MAST3: variants seen among roughly 807,000 people sequenced by gnomAD.
The protein encoded by MAST3 is microtubule-associated serine/threonine-protein kinase 3.
MAST3 carries 43 observed loss-of-function variants against 127.0 expected under a neutral mutation model. The ratio of observed to expected loss-of-function variants is 0.34; its 90% confidence interval spans 0.27 to 0.44. MAST3 has a LOEUF of 0.44. MAST3 is among the 20% of genes least tolerant of loss of function. The probability of loss-of-function intolerance (pLI) is 1.00; values close to 1 mark genes in which losing one functional copy is unlikely to be tolerated. For synonymous variants in MAST3, 785 were observed against 809.2 expected (o/e 0.97, Z 0.51); for missense variants, 1,390 against 1,919.1 (o/e 0.72, Z 5.15).
At chr19:18,148,677 C>T (rs981589572) in intron 27 of MAST3, among the ~76,000 whole-genome samples, 13 of 151,730 alleles carry the variant, frequency 8.6e-5, no homozygotes, top group African/African-American at 2.4e-4. Context: ...CCAAAGCAGG[C>T]GGATCACTTG....
chr19:18,128,738 A>T, intron 12 of MAST3, 128 bp from the exon 13 acceptor site: 2 of 741,634 alleles, frequency 2.7e-6, no homozygotes, highest in Non-Finnish European at 4.5e-6. Context: ...TCAGAAGCTG[A>T]GTTGGAGAAG....
At chr19:18,130,206 G>A (rs1028963724) in intron 13 of MAST3, among the ~76,000 whole-genome samples, 3 of 152,172 alleles carry the variant, frequency 2.0e-5, no homozygotes, top group African/African-American at 7.2e-5. Context: ...ACAGAGTGAG[G>A]CGCTATCTCA....
Position 18,107,640 on chromosome 19 carries a change from G to A in MAST3, c.71+22G>A, listed in dbSNP as rs566175444. ...GTGGGTGAGTTCACCTGGGACTGGC[G>A]GGCTGGGTGGGCCCCAGTGGTCTTG... On this transcript the variant is annotated intron_variant, in intron 2 of 27. Transcript: ENST00000687212. 48 of 1,610,198 alleles carry A rather than the reference G, an allele frequency of 3.0e-5. No individual in the cohort carries two copies. The East Asian group carries it at 3.8e-4, about 13-fold the overall frequency.
intron 1 of MAST3, among the ~76,000 whole-genome samples, chr19:18,102,564 C>T (rs1013362979): frequency 1.3e-5 from 2 of 151,336 alleles, no homozygotes; most frequent in Non-Finnish European, 2.9e-5. Context: ...TCACTGCAAC[C>T]TCCGCCTCCG....
chr19:18,133,636 C>T (rs925499709), intron 15 of MAST3, among the ~76,000 whole-genome samples: 1 of 144,868 alleles, frequency 6.9e-6, no homozygotes, highest in African/African-American at 2.6e-5. Context: ...TCACTGCAAC[C>T]TCAGAGTCCC....
At chr19:18,107,834 T>G (rs1186277131) in intron 2 of MAST3, among the ~76,000 whole-genome samples, 4 of 152,038 alleles carry the variant, frequency 2.6e-5, no homozygotes, top group African/African-American at 9.7e-5. Context: ...GAAGCTGAGG[T>G]GCAAAGGGGT....
chr19:18,122,226 G>T, intron 5 of MAST3: 2 of 665,374 alleles, frequency 3.0e-6, no homozygotes, highest in Non-Finnish European at 3.7e-6. Flanking sequence ...CACTTAACAA[G>T]AGCTGATTGA....
Position 18,123,954 on chromosome 19 carries a change from GA to G in MAST3, c.650del (p.Glu217GlyfsTer8). 1 of 1,570,188 alleles carries G rather than the reference GA, an allele frequency of 6.4e-7. No individual in the cohort carries two copies. Among genetic ancestry groups the G allele is most frequent in the Non-Finnish European group, 8.6e-7 (1 of 1,162,504 alleles). ...CCCCACCCAGGCCACAGCACAGATG[GA>G]GGGCCGTCTGCAGGAGTTCCTGACG... is the stretch of plus-strand genomic sequence containing the variant. ...ERFPKATAQM[E>X]GRLQEFLTAY... On this transcript the variant is annotated frameshift_variant, in exon 9 of 28. Coordinates refer to ENST00000687212, the MANE Select transcript of MAST3 (RefSeq NM_001393504.1). LOFTEE classifies it high-confidence loss of function.
rs991903811 is a variant in MAST3 at position 18,135,972 on chromosome 19, A to G, written c.1972+131A>G. On this transcript the variant is annotated intron_variant, in intron 18 of 27. Coordinates refer to ENST00000687212, the MANE Select transcript of MAST3 (RefSeq NM_001393504.1). ...TGCATGGAGGAGGGGGTTTGCAGCT[A>G]GGGTTTTGAAGGATGCACAGGAGTT... 6.3e-6 allele frequency: 4 copies of G among 633,974 alleles called. No individual in the cohort carries two copies. The Admixed American group carries it at 1.1e-4, about 18-fold the overall frequency. 39.3% of individuals were successfully genotyped at this position (633,974 alleles called of 1,614,324 possible). A position where few individuals can be genotyped will look rare whatever the true frequency, so the allele number is the denominator to read the frequency against.
intron 3 of MAST3, among the ~76,000 whole-genome samples, chr19:18,111,168 C>G (rs564950146): frequency 6.6e-6 from 1 of 152,030 alleles, no homozygotes; most frequent in Non-Finnish European, 1.5e-5. Flanking sequence ...ACCAAAGTGG[C>G]GCCGGGAGAA....
At chr19:18,121,968 A>G (rs273483) in intron 5 of MAST3, 46 bp downstream of exon 5, 1,593,032 of 1,610,106 alleles carry the variant, frequency 0.99, 788,109 homozygotes, top group East Asian at 1. Flanking sequence ...ACCACGGGCA[A>G]GGGTTGGGCA....
At chr19:18,123,830 C>T (rs1320414782) in intron 8 of MAST3, 109 bp from the exon 9 acceptor site, 3 of 1,132,964 alleles carry the variant, frequency 2.6e-6, no homozygotes, top group Non-Finnish European at 2.5e-6. Flanking sequence ...CACCCGATCG[C>T]CCCATTGCCC....
intron 1 of MAST3, among the ~76,000 whole-genome samples, chr19:18,101,588 C>T (rs552819097): frequency 3.9e-5 from 6 of 152,268 alleles, no homozygotes; most frequent in African/African-American, 1.4e-4. Context: ...TCCAGGAAGC[C>T]CCTTAGCTCT....
In MAST3 at chr19:18,124,022, C is replaced by G. The variant is rs1257814583; in HGVS notation, c.717C>G (p.Val239=). The G allele has an allele frequency of 6.2e-7, 1 of 1,601,184 alleles. No individual in the cohort carries two copies. The highest frequency in any genetic ancestry group is 8.5e-7 in the Non-Finnish European group (1 of 1,174,598). ...PGARLALADG[V]LGFIHHQIVE... is the part of the protein sequence containing the mutation. Reference sequence around the variant, plus strand: ...CCCGGCTGGCGCTGGCTGATGGCGTCTTGGGCTTCATCCACCACCAGATCG... The same window carrying G: ...CCCGGCTGGCGCTGGCTGATGGCGTGTTGGGCTTCATCCACCACCAGATCG... The change falls in exon 9 of 28, where the codon GTC becomes GTG. Residue 239 remains valine (V), a synonymous_variant. Transcript: ENST00000687212.
chr19:18,147,046 T>C lies in MAST3; in HGVS notation c.3326+2T>C. On this transcript the variant is annotated splice_donor_variant, in intron 26 of 27. Transcript: ENST00000687212. LOFTEE classifies it high-confidence loss of function. ...CGCGGCAGTGACCACCAGGGAGCGG[T>C]ACACAGGGGGCGGGGCCACGGGGAC... The C allele has an allele frequency of 6.5e-7, 1 of 1,549,564 alleles. No homozygotes were observed. The highest frequency in any genetic ancestry group is 8.7e-7 in the Non-Finnish European group (1 of 1,147,472).
chr19:18,118,069 C>G (rs1209124908), intron 3 of MAST3: 4 of 984,552 alleles, frequency 4.1e-6, no homozygotes, highest in African/African-American at 1.7e-5. Flanking sequence ...GTGCGCCCCC[C>G]TCCCTGTCCG....
intron 1 of MAST3, among the ~76,000 whole-genome samples, chr19:18,102,517 T>A (rs1382000236): frequency 6.7e-6 from 1 of 149,010 alleles, no homozygotes; most frequent in Non-Finnish European, 1.5e-5. Context: ...AGTCTCATTC[T>A]GTCACCCAGG....
chr19:18,119,540 CTG>C (rs746653385), intron 3 of MAST3, among the ~76,000 whole-genome samples: 46 of 152,344 alleles, frequency 3.0e-4, no homozygotes, highest in Non-Finnish European at 4.9e-4. Context: ...ATTCCCAACT[CTG>C]GGGCTTGTTG....
rs755035326 is a variant in MAST3, at chr19:18,143,986, C to T, written c.2563C>T (p.Pro855Ser). The change falls in exon 22 of 28, where the codon CCC becomes TCC. Residue 855 changes from proline to serine, a missense_variant. Physicochemically the swap from Pro to Ser is moderately conservative, Grantham distance 74. This residue lies in a region of MAST3 where 816 missense variants were observed against 934.1 expected (regional missense o/e 0.87). Transcript: ENST00000687212. ...DPPPAATPVM[P>S]KPSSLSADTA... ...CCCACCAGCGGCCACCCCAGTGATG[C>T]CCAAGCCCTCGAGCCTTTCTGGTAA... 2.5e-6 allele frequency: 4 copies of T among 1,575,656 alleles called. No individual in the cohort carries two copies. The highest frequency in any genetic ancestry group is 3.4e-6 in the Non-Finnish European group (4 of 1,160,458).
Sources: allele counts gnomAD v4.1 joint callset (sites outside exome capture counted in the v4.1 genomes callset), GRCh38; gene constraint gnomAD v4.1.1; regional missense constraint gnomAD v4.1.1; transcripts MANE v1.5; gene names NCBI Gene and HGNC (gene_info 2026-07-23, HGNC 2026-07-21).